TMEM135: variants seen among roughly 807,000 people sequenced by gnomAD.
TMEM135 encodes the protein transmembrane protein 135.
Under a neutral mutation model 60.3 loss-of-function variants are expected in TMEM135, and 30 were observed. That is an observed-to-expected ratio of 0.50 (90% CI 0.37 to 0.68). TMEM135 has a LOEUF of 0.68. TMEM135 is among the 30% of genes least tolerant of loss of function. The pLI is 0.00. For synonymous variants in TMEM135, 190 were observed against 186.7 expected, an observed-to-expected ratio of 1.02 and a Z score of -0.14; for missense variants, 468 against 548.8, an observed-to-expected ratio of 0.85 and a Z score of 1.47.
rs915117137 is a variant in TMEM135 at position 87,078,827 on chromosome 11, G to A, written c.362+7212G>A. Among the ~76,000 whole-genome samples the A allele has an allele frequency of 3.3e-5, 5 of 150,936 alleles. No individual in the cohort carries two copies. The South Asian group carries it at 6.3e-4, about 19-fold the overall frequency. On this transcript the variant is annotated intron_variant, in intron 3 of 14. Coordinates refer to ENST00000305494, the MANE Select transcript of TMEM135 (RefSeq NM_022918.4). Reference sequence around the variant, plus strand: ...AGTAGAGATAGGGTTTTGCCATGTTGTCCAGGCTGGTCTCGAGCTCCTGAC... The same window carrying A: ...AGTAGAGATAGGGTTTTGCCATGTTATCCAGGCTGGTCTCGAGCTCCTGAC...
At position 87,253,632 on chromosome 11, in the gene TMEM135, CATATATATATATATATAT is replaced by C. The variant is rs60680451; in HGVS notation, c.509+16997_509+17014del. On this transcript the variant is annotated intron_variant, in intron 6 of 14. Coordinates refer to ENST00000305494, the MANE Select transcript of TMEM135 (RefSeq NM_022918.4). ...TGTTGTTTGAACTTAAAGGATGAGC[CATATATATATATATATAT>C]ATATATATATATATATATATATATA... Among the ~76,000 whole-genome samples, 66 of 128,226 alleles carry C rather than the reference CATATATATATATATATAT, an allele frequency of 5.1e-4. 1 individual carries two copies. The highest frequency in any genetic ancestry group is 8.0e-4 in the Non-Finnish European group (50 of 62,262). The allele number at this position is 128,226 out of a possible 152,430, so 84.1% of individuals were successfully genotyped here.
rs1184376513 is a variant in TMEM135, at chr11:87,328,002, C to T, written c.*6669C>T. On this transcript the variant is annotated 3_prime_UTR_variant, in exon 15 of 15. Coordinates refer to ENST00000305494, the MANE Select transcript of TMEM135 (RefSeq NM_022918.4). The stretch of plus-strand genomic sequence containing the variant: ...ACGCTAACTCACATGCCAATCTCCT[C>T]TGGAAACACCCTCACAGACACACCC... 6 of 454,074 alleles carry T rather than the reference C, an allele frequency of 1.3e-5. No homozygotes were observed. In the Admixed American group the frequency reaches 1.4e-4, roughly 11 times the overall value. The allele number at this position is 454,074 out of a possible 1,614,324, so 28.1% of individuals were successfully genotyped here. A position where few individuals can be genotyped will look rare whatever the true frequency, so the allele number is the denominator to read the frequency against.
intron 4 of TMEM135, among the ~76,000 whole-genome samples, chr11:87,127,436 G>A (rs1014760096): frequency 5.3e-5 from 8 of 152,102 alleles, no homozygotes; most frequent in East Asian, 1.9e-4. Flanking sequence ...TATCTGGAAC[G>A]TCACTTTTTC....
intron 5 of TMEM135, among the ~76,000 whole-genome samples, chr11:87,167,949 T>A (rs989210236): frequency 6.6e-6 from 1 of 152,200 alleles, no homozygotes; most frequent in Admixed American, 6.5e-5. Context: ...TGGGCTTTTT[T>A]TGGGTGGCAG....
At position 87,038,581 on chromosome 11, in the gene TMEM135, C is replaced by T. The variant is rs1239315172; in HGVS notation, c.141+395C>T. ...CTATGAGAAGGACCTGCAATCTTTC[C>T]TCATCTAGTTTCCCCTGTTTTATTT... On this transcript the variant is annotated intron_variant, in intron 1 of 14. Coordinates refer to ENST00000305494, the MANE Select transcript of TMEM135 (RefSeq NM_022918.4). Among the ~76,000 whole-genome samples, 3 of 146,842 alleles carry T rather than the reference C, an allele frequency of 2.0e-5. No individual in the cohort carries two copies. In the Admixed American group the frequency reaches 2.1e-4, roughly 10 times the overall value.
intron 1 of TMEM135, among the ~76,000 whole-genome samples, chr11:87,042,860 A>G (rs1050085692): frequency 2.6e-5 from 4 of 152,036 alleles, no homozygotes; most frequent in African/African-American, 7.2e-5. Flanking sequence ...CAAAATGTAG[A>G]TGTATGATTC....
chr11:87,228,236 G>A (rs973543776), intron 5 of TMEM135, among the ~76,000 whole-genome samples: 1 of 152,066 alleles, frequency 6.6e-6, no homozygotes, highest in Admixed American at 6.6e-5. Flanking sequence ...AGTGTGCTGG[G>A]ACTATAGCAG....
chr11:87,289,229 T>C (rs944650136), intron 6 of TMEM135, among the ~76,000 whole-genome samples: 1 of 152,124 alleles, frequency 6.6e-6, no homozygotes, highest in Non-Finnish European at 1.5e-5. Context: ...TTAATACATA[T>C]ATAGTTATTA....
chr11:87,153,383 T>G (rs928090557), intron 4 of TMEM135, among the ~76,000 whole-genome samples: 2 of 152,168 alleles, frequency 1.3e-5, no homozygotes, highest in African/African-American at 4.8e-5. Context: ...AGTTTTCAAA[T>G]TAGTTGATAT....
At position 87,135,000 on chromosome 11, in the gene TMEM135, T is replaced by C. The variant is rs368556584; in HGVS notation, c.397-22341T>C. Among the ~76,000 whole-genome samples, 21 of 152,330 alleles carry C rather than the reference T, an allele frequency of 1.4e-4. No individual in the cohort carries two copies. In the East Asian group the frequency reaches 2.5e-3, roughly 18 times the overall value. Reference sequence around the variant, plus strand: ...ATGACTAATGATGATAAATAAAAAATTAAATTTTATGTGATTATTAAGTAT... The same window carrying C: ...ATGACTAATGATGATAAATAAAAAACTAAATTTTATGTGATTATTAAGTAT... On this transcript the variant is annotated intron_variant, in intron 4 of 14. Transcript: ENST00000305494.
chr11:87,066,324 A>T lies in TMEM135; in HGVS notation c.142-1370A>T, dbSNP rs895574424. ...TCTATTATTCTTCCCAGTTCAGCTC[A>T]TATCCCGTTCTCCATGAAATTCCTG... On this transcript the variant is annotated intron_variant, in intron 1 of 14. Coordinates refer to ENST00000305494, the MANE Select transcript of TMEM135 (RefSeq NM_022918.4). Among the ~76,000 whole-genome samples, 4 of 152,152 alleles carry T rather than the reference A, an allele frequency of 2.6e-5. 1 individual carries two copies. The highest frequency in any genetic ancestry group is 9.7e-5 in the African/African-American group (4 of 41,442).
intron 4 of TMEM135, among the ~76,000 whole-genome samples, chr11:87,155,554 A>G (rs1303550945): frequency 6.6e-6 from 1 of 152,188 alleles, no homozygotes; most frequent in African/African-American, 2.4e-5. Flanking sequence ...ACACCAAGAC[A>G]TCAGATTGTA....
intron 1 of TMEM135, among the ~76,000 whole-genome samples, chr11:87,050,485 C>A (rs1949831420): frequency 1.5e-5 from 1 of 66,856 alleles, no homozygotes; most frequent in African/African-American, 1.1e-4. Context: ...AAGGGGATAT[C>A]ACCACCGATC....
intron 1 of TMEM135, among the ~76,000 whole-genome samples, chr11:87,054,374 C>T (rs1207701606): frequency 2.0e-5 from 3 of 152,002 alleles, no homozygotes; most frequent in South Asian, 2.1e-4. Context: ...GCAGAGGTTG[C>T]GATGAGCCTA....
chr11:87,322,481 T>A lies in TMEM135; in HGVS notation c.*1148T>A. The stretch of plus-strand genomic sequence containing the variant: ...GATAATGAGAGTAGTTCAGGACAGC[T>A]GTGATTGAAATATGGTCGCTATTTA... On this transcript the variant is annotated 3_prime_UTR_variant, in exon 15 of 15. Coordinates refer to ENST00000305494, the MANE Select transcript of TMEM135 (RefSeq NM_022918.4). 2.2e-6 allele frequency: 1 copy of A among 454,044 alleles called. No homozygotes were observed. Among genetic ancestry groups the A allele is most frequent in the Non-Finnish European group, 4.4e-6 (1 of 226,746 alleles). The allele number at this position is 454,044 out of a possible 1,614,324, so 28.1% of individuals were successfully genotyped here.
chr11:87,131,133 T>A (rs1193708883), intron 4 of TMEM135, among the ~76,000 whole-genome samples: 1 of 152,208 alleles, frequency 6.6e-6, no homozygotes, highest in East Asian at 1.9e-4. Context: ...CTCATATTAC[T>A]CTGTTTCCCC....
chr11:87,116,335 T>G (rs757556688), intron 4 of TMEM135, among the ~76,000 whole-genome samples: 3 of 152,168 alleles, frequency 2.0e-5, no homozygotes, highest in Non-Finnish European at 4.4e-5. Flanking sequence ...AACATATGGC[T>G]TCAATTTGCA....
chr11:87,157,471 A>G, intron 5 of TMEM135, 65 bp downstream of exon 5: 1 of 1,330,372 alleles, frequency 7.5e-7, no homozygotes, highest in Non-Finnish European at 1.1e-6. Flanking sequence ...TAAAATATAA[A>G]ATGTGATGAA....
At chr11:87,181,756 A>G (rs1939520355) in intron 5 of TMEM135, among the ~76,000 whole-genome samples, 1 of 152,166 alleles carries the variant, frequency 6.6e-6, no homozygotes, top group South Asian at 2.1e-4. Context: ...ATTAAAAAGT[A>G]ATTCTTAAGA....
Sources: allele counts gnomAD v4.1 joint callset (sites outside exome capture counted in the v4.1 genomes callset), GRCh38; gene constraint gnomAD v4.1.1; transcripts MANE v1.5; gene names NCBI Gene and HGNC (gene_info 2026-07-23, HGNC 2026-07-21).